Variants in EPN2 observed in about 807,000 individuals in gnomAD.
EPN2 encodes the protein epsin-2.
Under a neutral mutation model 61.7 loss-of-function variants are expected in EPN2, and 34 were observed. The observed-to-expected ratio is 0.55, with a 90% confidence interval of 0.42 to 0.73. The LOEUF (loss-of-function observed/expected upper bound fraction) is 0.73. Ranked by LOEUF, EPN2 falls within the 30% of genes least tolerant of loss-of-function variation. EPN2 has a pLI of 0.00. For missense variants in EPN2, 714 were observed against 839.2 expected (o/e 0.85, Z 1.84); for synonymous variants, 349 against 353.6 (o/e 0.99, Z 0.15).
intron 1 of EPN2, among the ~76,000 whole-genome samples, chr17:19,276,719 G>GT (rs1254305302): frequency 3.4e-5 from 5 of 146,286 alleles, no homozygotes; most frequent in Admixed American, 6.8e-5. Context: ...TTCTAAAGGT[G>GT]TTTCTAGTTA....
At chr17:19,271,060 T>C (rs909999492) in intron 1 of EPN2, among the ~76,000 whole-genome samples, 18 of 152,186 alleles carry the variant, frequency 1.2e-4, no homozygotes, top group African/African-American at 4.1e-4. Context: ...AGTGTTCTTA[T>C]TTTTTGCTTC....
At chr17:19,247,312 G>T (rs2044964001) in intron 1 of EPN2, among the ~76,000 whole-genome samples, 1 of 152,168 alleles carries the variant, frequency 6.6e-6, no homozygotes. Context: ...ATGCCACCAA[G>T]AACTTAATCT....
chr17:19,309,439 G>A (rs778124533), intron 4 of EPN2, among the ~76,000 whole-genome samples: 12 of 152,182 alleles, frequency 7.9e-5, no homozygotes, highest in Non-Finnish European at 1.0e-4. Context: ...TCAAAAGTCA[G>A]CTCTTGAATG....
chr17:19,261,091 G>T (rs2045136739), intron 1 of EPN2, among the ~76,000 whole-genome samples: 1 of 152,176 alleles, frequency 6.6e-6, no homozygotes, highest in African/African-American at 2.4e-5. Context: ...TTCCCACATT[G>T]CAGTGGTCCT....
intron 7 of EPN2, among the ~76,000 whole-genome samples, chr17:19,320,272 G>A (rs1385918262): frequency 6.6e-6 from 1 of 152,200 alleles, no homozygotes; most frequent in Non-Finnish European, 1.5e-5. Context: ...GCTGGCTGTA[G>A]TGGCTGTCTG....
chr17:19,285,559 C>T lies in EPN2; in HGVS notation c.596-61C>T. On this transcript the variant is annotated intron_variant, in intron 3 of 10. Transcript: ENST00000314728. This position sits in a 1 kb window ranked among gnomAD's most constrained non-coding sequence, Gnocchi z 4.5. ...CCTTGGCCCGTACCTCCTGCAGGGG[C>T]TGCTGCGCACCCTCTAATGGCGTGT... The T allele has an allele frequency of 7.1e-7, 1 of 1,401,294 alleles. No homozygotes were observed. The highest frequency in any genetic ancestry group is 9.3e-7 in the Non-Finnish European group (1 of 1,072,558). 86.8% of individuals were successfully genotyped at this position (1,401,294 alleles called of 1,614,324 possible).
At chr17:19,275,742 A>G (rs951966327) in intron 1 of EPN2, among the ~76,000 whole-genome samples, 18 of 152,250 alleles carry the variant, frequency 1.2e-4, no homozygotes, top group African/African-American at 4.3e-4. Flanking sequence ...TACATAGGCA[A>G]AACCAATGAT....
chr17:19,266,512 C>T (rs2045199847), intron 1 of EPN2, among the ~76,000 whole-genome samples: 2 of 151,930 alleles, frequency 1.3e-5, no homozygotes, highest in African/African-American at 4.8e-5. Context: ...GTGCCATTCT[C>T]CTGCCTCAGC....
chr17:19,248,346 C>T (rs991792015), intron 1 of EPN2: 1 of 152,174 alleles, frequency 6.6e-6, no homozygotes, highest in African/African-American at 2.4e-5. Flanking sequence ...TTTGGCAAGC[C>T]TCCTTTCAAC....
At chr17:19,250,456 A>G (rs1013371443) in intron 1 of EPN2, among the ~76,000 whole-genome samples, 6 of 151,988 alleles carry the variant, frequency 3.9e-5, no homozygotes, top group Non-Finnish European at 8.8e-5. Flanking sequence ...TAACATATTC[A>G]CAGGTTCTGA....
At position 19,312,089 on chromosome 17, in the gene EPN2, A is replaced by T. The variant is rs1906167571; in HGVS notation, c.917A>T (p.Gln306Leu). The T allele has an allele frequency of 6.2e-7, 1 of 1,614,098 alleles. No homozygotes were observed. Among genetic ancestry groups the T allele is most frequent in the African/African-American group, 1.3e-5 (1 of 74,940 alleles). Residue 306 changes from glutamine to leucine, a missense_variant, in exon 6 of 11, where the codon CAG becomes CTG. Physicochemically the swap from Gln to Leu is moderately radical, Grantham distance 113. Transcript: ENST00000314728. ...RLRRGDDLRL[Q>L]MALEESRRDT... ...AGGCGGGGTGATGACCTCAGATTACAGATGGCCCTGGAAGAAAGCCGAAGG... is the reference window on the plus strand; with the variant it reads ...AGGCGGGGTGATGACCTCAGATTACTGATGGCCCTGGAAGAAAGCCGAAGG...
chr17:19,301,348 A>G (rs1027715731), intron 4 of EPN2, among the ~76,000 whole-genome samples: 8 of 152,140 alleles, frequency 5.3e-5, no homozygotes, highest in Non-Finnish European at 1.0e-4. Flanking sequence ...CATGTTCTTC[A>G]TCCTACTTTA....
At chr17:19,310,441 TG>T (rs1906067535) in intron 5 of EPN2, among the ~76,000 whole-genome samples, 1 of 152,114 alleles carries the variant, frequency 6.6e-6, no homozygotes, top group Non-Finnish European at 1.5e-5. Context: ...AAACAAAGGC[TG>T]GGAAAAAATG....
chr17:19,294,430 A>G (rs1444394097), intron 4 of EPN2, among the ~76,000 whole-genome samples: 1 of 152,188 alleles, frequency 6.6e-6, no homozygotes, highest in Non-Finnish European at 1.5e-5. Context: ...AAAAGAAAAA[A>G]AATATTGGGG....
At chr17:19,272,756 C>G (rs1349732046) in intron 1 of EPN2, among the ~76,000 whole-genome samples, 1 of 152,150 alleles carries the variant, frequency 6.6e-6, no homozygotes, top group African/African-American at 2.4e-5. Context: ...TTCAACAATT[C>G]TCATTTGCCT....
chr17:19,330,957 G>C (rs965240041), intron 9 of EPN2, among the ~76,000 whole-genome samples: 1 of 152,180 alleles, frequency 6.6e-6, no homozygotes, highest in Non-Finnish European at 1.5e-5. Flanking sequence ...AGCCTTGATC[G>C]ATCGCCCAGG....
chr17:19,324,264 A>C (rs1158333024), intron 7 of EPN2, among the ~76,000 whole-genome samples: 3 of 152,250 alleles, frequency 2.0e-5, no homozygotes, highest in African/African-American at 7.2e-5. Flanking sequence ...ATACACCTAA[A>C]ATTTTAAGAA....
At chr17:19,275,839 G>A (rs1396431692) in intron 1 of EPN2, among the ~76,000 whole-genome samples, 8 of 152,178 alleles carry the variant, frequency 5.3e-5, no homozygotes, top group Non-Finnish European at 8.8e-5. Flanking sequence ...GTGAGTATTC[G>A]CTTTCATATT....
At chr17:19,291,736 G>A (rs956512555) in intron 4 of EPN2, among the ~76,000 whole-genome samples, 2 of 152,094 alleles carry the variant, frequency 1.3e-5, no homozygotes, top group Non-Finnish European at 2.9e-5. Context: ...CATCGCGCCC[G>A]GCCTCATTCT....
Sources: gnomAD v4.1 joint callset for allele counts (sites outside exome capture counted in the v4.1 genomes callset) on GRCh38, gnomAD v4.1.1 for gene constraint, Gnocchi (gnomAD v3.1) non-coding constraint, MANE v1.5 for transcripts, NCBI Gene and HGNC (gene_info 2026-07-23, HGNC 2026-07-21) for gene names.